The following ADGRF5 variants were observed in gnomAD, a reference collection of about 807,000 sequenced individuals.
The protein encoded by ADGRF5 is G-protein coupled receptor 116.
Under a neutral mutation model 132.3 loss-of-function variants are expected in ADGRF5, and 75 were observed. The observed-to-expected ratio is 0.57, with a 90% CI of 0.47 to 0.69. ADGRF5 has a LOEUF of 0.69. Among genes scored for constraint, ADGRF5 ranks in the 30% least tolerant of loss-of-function variants. The probability of loss-of-function intolerance (pLI) is 0.00; values close to 1 mark genes in which losing one functional copy is unlikely to be tolerated. For missense variants in ADGRF5, 1,516 were observed against 1,630.6 expected (o/e 0.93, Z 1.21); for synonymous variants, 629 against 597.6 (o/e 1.05, Z -0.77).
chr6:46,872,400 G>GT lies in ADGRF5; in HGVS notation c.1241-388dup, dbSNP rs578179765. On this transcript the variant is annotated intron_variant, in intron 10 of 20. Coordinates refer to ENST00000283296, the MANE Select transcript of ADGRF5 (RefSeq NM_001098518.2). ...TCCCCAACAAAGACCATGAGCGATG[G>GT]TTTTTTGAATGTGAACAATAAAAAA... is the stretch of plus-strand genomic sequence containing the variant. Among the ~76,000 whole-genome samples the GT allele has an allele frequency of 5.0e-3, 767 of 152,234 alleles. 3 individuals carry two copies. Among genetic ancestry groups the GT allele is most frequent in the Non-Finnish European group, 8.6e-3 (582 of 68,008 alleles).
chr6:46,919,249 C>T (rs1776688322), intron 1 of ADGRF5, among the ~76,000 whole-genome samples: 1 of 152,132 alleles, frequency 6.6e-6, no homozygotes, highest in Admixed American at 6.5e-5. Flanking sequence ...AAAAATGGGG[C>T]TGCAAAGACA....
rs753171894 is a variant in ADGRF5 at position 46,858,386 on chromosome 6, G to A, written c.3517C>T (p.Leu1173=). The A allele has an allele frequency of 1.2e-6, 2 of 1,613,996 alleles. No individual in the cohort carries two copies. The highest frequency in any genetic ancestry group is 1.1e-5 in the South Asian group (1 of 91,070). Residue 1173 remains leucine (L), a synonymous_variant, in exon 17 of 21, where the codon CTG becomes TTG. Transcript: ENST00000283296. Reference sequence around the variant, plus strand: ...ATCAGTGCTGGGATGGCGAAAGCCAGCAGGGCCTTGGTGTCCTCCCAGTTG... The same window carrying A: ...ATCAGTGCTGGGATGGCGAAAGCCAACAGGGCCTTGGTGTCCTCCCAGTTG... The part of the protein sequence containing the change: ...WLNWEDTKAL[L]AFAIPALIIV...
At chr6:46,953,117 G>A (rs1290892262) in intron 1 of ADGRF5, among the ~76,000 whole-genome samples, 2 of 152,128 alleles carry the variant, frequency 1.3e-5, no homozygotes, top group East Asian at 1.9e-4. Flanking sequence ...ATAAGGAGCC[G>A]ACTTTTGATT....
intron 1 of ADGRF5, among the ~76,000 whole-genome samples, chr6:46,948,886 T>A (rs1778396174): frequency 6.6e-6 from 1 of 152,152 alleles, no homozygotes; most frequent in Non-Finnish European, 1.5e-5. Context: ...CATGAGCCTC[T>A]ACTCAGGCCT....
At chr6:46,906,271 C>T (rs1775355104) in intron 2 of ADGRF5, among the ~76,000 whole-genome samples, 1 of 152,142 alleles carries the variant, frequency 6.6e-6, no homozygotes. Context: ...AAAACAAATC[C>T]TTTGAGAACA....
Position 46,865,233 on chromosome 6 carries a change from C to T in ADGRF5, c.1835-36G>A. 4 of 1,476,398 alleles carry T rather than the reference C, an allele frequency of 2.7e-6. No individual in the cohort carries two copies. The South Asian group carries it at 3.5e-5, about 13-fold the overall frequency. 91.5% of individuals were successfully genotyped at this position (1,476,398 alleles called of 1,614,324 possible). A position where few individuals can be genotyped will look rare whatever the true frequency, so the allele number is the denominator to read the frequency against. On this transcript the variant is annotated intron_variant, in intron 13 of 20. Coordinates refer to ENST00000283296, the MANE Select transcript of ADGRF5 (RefSeq NM_001098518.2). The stretch of plus-strand genomic sequence containing the variant: ...AATTATTGAAAGAATTAAGTCACAA[C>T]ATGAGTCTCTAATGCACAAATTGTG...
Position 46,879,819 on chromosome 6 carries a change from T to C in ADGRF5, c.1035A>G (p.Ala345=). 6.3e-7 allele frequency: 1 copy of C among 1,590,628 alleles called. No individual in the cohort carries two copies. Among genetic ancestry groups the C allele is most frequent in the Non-Finnish European group, 8.6e-7 (1 of 1,158,488 alleles). ...ACAAGTTACTGAATGGAGACCTACC[T>C]GCATCACCTGGAGTGATGTTGTGGA... is the stretch of plus-strand genomic sequence containing the variant. ...LTIHNITPGD[A]GEYVCKLILD... is the part of the protein sequence containing the mutation. Residue 345 remains alanine (A), a splice_region_variant and synonymous_variant, in exon 9 of 21, where the codon GCA becomes GCG. Coordinates refer to ENST00000283296, the MANE Select transcript of ADGRF5 (RefSeq NM_001098518.2).
chr6:46,856,862 C>G lies in ADGRF5; in HGVS notation c.3816+5G>C, dbSNP rs767207146. On this transcript the variant is annotated splice_donor_5th_base_variant and intron_variant, in intron 18 of 20. Coordinates refer to ENST00000283296, the MANE Select transcript of ADGRF5 (RefSeq NM_001098518.2). ...CTAGAAACATGAAACTGTCATTGCT[C>G]TTACCTTCAGATCCCAGAGGCATCC... The G allele has an allele frequency of 4.6e-5, 74 of 1,609,802 alleles. No homozygotes were observed. The highest frequency in any genetic ancestry group is 5.7e-5 in the Non-Finnish European group (67 of 1,178,054).
intron 15 of ADGRF5, among the ~76,000 whole-genome samples, chr6:46,862,267 T>A (rs1769844908): frequency 6.6e-6 from 1 of 152,222 alleles, no homozygotes; most frequent in Non-Finnish European, 1.5e-5. Flanking sequence ...TTAATGTAAT[T>A]CATGGAATTT....
intron 3 of ADGRF5, among the ~76,000 whole-genome samples, chr6:46,889,280 A>G (rs1223354090): frequency 6.9e-6 from 1 of 145,450 alleles, no homozygotes; most frequent in Non-Finnish European, 1.5e-5. Context: ...TATATATACT[A>G]TATAGTATAT....
intron 1 of ADGRF5, among the ~76,000 whole-genome samples, chr6:46,927,347 A>G (rs1336083438): frequency 6.6e-6 from 1 of 152,088 alleles, no homozygotes; most frequent in African/African-American, 2.4e-5. Flanking sequence ...ATTTGTTCCA[A>G]CTATTTAGTA....
chr6:46,873,672 C>T (rs1361186193), intron 10 of ADGRF5, among the ~76,000 whole-genome samples: 2 of 152,104 alleles, frequency 1.3e-5, no homozygotes, highest in Non-Finnish European at 2.9e-5. Flanking sequence ...TGGATGACTC[C>T]CACTCTATTT....
chr6:46,889,944 G>C (rs550342929), intron 3 of ADGRF5, among the ~76,000 whole-genome samples: 29 of 151,790 alleles, frequency 1.9e-4, no homozygotes, highest in African/African-American at 7.0e-4. Flanking sequence ...AATAAATGAC[G>C]AATCAATTCT....
At chr6:46,896,792 C>T (rs959742944) in intron 3 of ADGRF5, among the ~76,000 whole-genome samples, 36 of 151,958 alleles carry the variant, frequency 2.4e-4, no homozygotes, top group African/African-American at 8.2e-4. Flanking sequence ...CAACCAATCT[C>T]AGATGGAAAA....
chr6:46,878,189 C>A lies in ADGRF5; in HGVS notation c.1240+13G>T. The stretch of plus-strand genomic sequence containing the variant: ...AAAACCTATTTGCAAAAGGGCTTAT[C>A]TAACATTCTCACCTGGAATATTTAT... On this transcript the variant is annotated intron_variant, in intron 10 of 20. Transcript: ENST00000283296. 2.5e-6 allele frequency: 4 copies of A among 1,583,920 alleles called. No homozygotes were observed. Among genetic ancestry groups the A allele is most frequent in the Non-Finnish European group, 3.5e-6 (4 of 1,152,524 alleles).
At chr6:46,890,967 C>T (rs1773591707) in intron 3 of ADGRF5, among the ~76,000 whole-genome samples, 1 of 152,102 alleles carries the variant, frequency 6.6e-6, no homozygotes, top group Non-Finnish European at 1.5e-5. Context: ...AAAGCTGTAA[C>T]ATTTGTTCAT....
chr6:46,883,717 T>C lies in ADGRF5; in HGVS notation c.506-52A>G, dbSNP rs747316037. 5.3e-6 allele frequency: 5 copies of C among 940,194 alleles called. No individual in the cohort carries two copies. The African/African-American group carries it at 8.3e-5, about 16-fold the overall frequency. 58.2% of individuals were successfully genotyped at this position (940,194 alleles called of 1,614,324 possible). A position where few individuals can be genotyped will look rare whatever the true frequency, so the allele number is the denominator to read the frequency against. ...AAAAATATGTTAATGTCTGAGTATATACAAACCAGAAACATTTGTAAGCTG... is the reference window on the plus strand; with the variant it reads ...AAAAATATGTTAATGTCTGAGTATACACAAACCAGAAACATTTGTAAGCTG... On this transcript the variant is annotated intron_variant, in intron 5 of 20. Coordinates refer to ENST00000283296, the MANE Select transcript of ADGRF5 (RefSeq NM_001098518.2).
chr6:46,865,195 T>A lies in ADGRF5; in HGVS notation c.1837A>T (p.Lys613Ter), dbSNP rs1770277816. 1 of 1,606,500 alleles carries A rather than the reference T, an allele frequency of 6.2e-7. No homozygotes were observed. The highest frequency in any genetic ancestry group is 1.7e-5 in the Admixed American group (1 of 59,454). ...CACACTTGTTTTTTGTTAACTTCTT[T>A]TGCTGAAGACAGAATTATTGAAAGA... ...HTGSSSLPAA[K>*]EVNKKQVCYK... The change falls in exon 14 of 21, where the codon AAA becomes TAA. Residue 613 changes from lysine (K) to a stop codon, truncating the protein, a stop_gained and splice_region_variant. Coordinates refer to ENST00000283296, the MANE Select transcript of ADGRF5 (RefSeq NM_001098518.2). LOFTEE classifies it high-confidence loss of function.
chr6:46,941,406 G>GAAAAGAAAATAAAAGAAAAGAA (rs1561838604), intron 1 of ADGRF5, among the ~76,000 whole-genome samples: 6 of 28,132 alleles, frequency 2.1e-4, no homozygotes, highest in Middle Eastern at 0.013. Context: ...GAAAAGAAAA[G>GAAAAGAAAATAAAAGAAAAGAA]AAAAGAAAAG....
Sources: gnomAD v4.1 joint callset for allele counts (sites outside exome capture counted in the v4.1 genomes callset) on GRCh38, gnomAD v4.1.1 for gene constraint, MANE v1.5 for transcripts, NCBI Gene and HGNC (gene_info 2026-07-23, HGNC 2026-07-21) for gene names.